The following ST18 variants were observed in gnomAD, a reference collection of about 807,000 sequenced individuals.
ST18 encodes the protein suppression of tumorigenicity 18 protein.
In ST18, 50 loss-of-function variants were observed where a neutral mutation model predicts 110.0. The observed-to-expected ratio is 0.45, with a 90% CI of 0.36 to 0.58. ST18 has a LOEUF of 0.58. Ranked by LOEUF, ST18 falls within the 20% of genes least tolerant of loss-of-function variation. The probability of loss-of-function intolerance (pLI) is 0.00; values close to 1 mark genes in which losing one functional copy is unlikely to be tolerated. For synonymous variants in ST18, 461 were observed against 452.4 expected (o/e 1.02, Z -0.24); for missense variants, 1,306 against 1,280.1 (o/e 1.02, Z -0.31).
At chr8:52,291,668 C>T (rs1419176939) in intron 2 of ST18, among the ~76,000 whole-genome samples, 1 of 152,056 alleles carries the variant, frequency 6.6e-6, no homozygotes, top group Admixed American at 6.6e-5. Context: ...CCTTCAAATT[C>T]TCACTTTTCA....
intron 8 of ST18, among the ~76,000 whole-genome samples, chr8:52,183,094 C>A (rs895063469): frequency 1.3e-5 from 2 of 152,124 alleles, no homozygotes; most frequent in Admixed American, 1.3e-4. Flanking sequence ...AAGCTCACGT[C>A]CTCTCCTCCA....
At chr8:52,123,419 G>A (rs966391774) in intron 23 of ST18, among the ~76,000 whole-genome samples, 3 of 152,112 alleles carry the variant, frequency 2.0e-5, no homozygotes, top group Admixed American at 2.0e-4. Context: ...AATTATTGTG[G>A]CCACACTTTA....
intron 2 of ST18, among the ~76,000 whole-genome samples, chr8:52,280,130 T>C (rs191466765): frequency 2.0e-5 from 3 of 152,106 alleles, no homozygotes; most frequent in Admixed American, 1.3e-4. Flanking sequence ...GTAAAACATA[T>C]ATGTGAAAAT....
rs1238537351 is a variant in ST18, at chr8:52,173,900, A to G, written c.278-1317T>C. 2.6e-5 allele frequency among the ~76,000 whole-genome samples: 4 copies of G among 152,316 alleles called. No homozygotes were observed. In the South Asian group the frequency reaches 8.3e-4, roughly 32 times the overall value. Reference sequence around the variant, plus strand: ...GAAGACAATGTGTCTTTTTGGTCTCATTTAATTTTTTATAAACATTGTCTC... The same window carrying G: ...GAAGACAATGTGTCTTTTTGGTCTCGTTTAATTTTTTATAAACATTGTCTC... On this transcript the variant is annotated intron_variant, in intron 9 of 25. Coordinates refer to ENST00000689386, the MANE Select transcript of ST18 (RefSeq NM_001352837.2).
At chr8:52,225,485 T>C (rs1376957725) in intron 3 of ST18, among the ~76,000 whole-genome samples, 1 of 152,234 alleles carries the variant, frequency 6.6e-6, no homozygotes, top group Non-Finnish European at 1.5e-5. Context: ...CAGTTTCTTC[T>C]CCTTATTTAT....
intron 2 of ST18, among the ~76,000 whole-genome samples, chr8:52,241,445 T>C (rs1414084273): frequency 6.6e-6 from 1 of 152,232 alleles, no homozygotes; most frequent in Non-Finnish European, 1.5e-5. Context: ...GGCTGAGTAG[T>C]ATAGTGAAAC....
At chr8:52,282,966 C>T (rs181386112) in intron 2 of ST18, among the ~76,000 whole-genome samples, 1 of 152,192 alleles carries the variant, frequency 6.6e-6, no homozygotes, top group East Asian at 1.9e-4. Context: ...GCTACTGTGC[C>T]ACGAAGGGTA....
chr8:52,149,719 A>AT lies in ST18; in HGVS notation c.2052+12dup, dbSNP rs2058298680. 6.2e-7 allele frequency: 1 copy of AT among 1,611,046 alleles called. No homozygotes were observed. On this transcript the variant is annotated intron_variant, in intron 16 of 25. Coordinates refer to ENST00000689386, the MANE Select transcript of ST18 (RefSeq NM_001352837.2). ...CTGTCTTCAACTTATTGATTGACAT[A>AT]TGGAAACAATACCTCTTTCTCCTCC...
intron 8 of ST18, among the ~76,000 whole-genome samples, chr8:52,189,370 A>T (rs1374135069): frequency 6.6e-6 from 1 of 152,216 alleles, no homozygotes; most frequent in South Asian, 2.1e-4. Flanking sequence ...GCCTAGAAAA[A>T]CAATGGCCCA....
At chr8:52,319,071 A>G (rs2096078335) in intron 2 of ST18, among the ~76,000 whole-genome samples, 1 of 152,172 alleles carries the variant, frequency 6.6e-6, no homozygotes, top group Non-Finnish European at 1.5e-5. Flanking sequence ...CTGTACATGT[A>G]CCCCTGAACT....
intron 10 of ST18, 85 bp downstream of exon 10, chr8:52,171,707 A>C: frequency 7.0e-7 from 1 of 1,434,998 alleles, no homozygotes; most frequent in Non-Finnish European, 9.7e-7. Flanking sequence ...TTAAAAAGCT[A>C]CCTGAAAAAA....
intron 2 of ST18, among the ~76,000 whole-genome samples, chr8:52,282,305 C>G (rs967212780): frequency 3.3e-5 from 5 of 152,154 alleles, no homozygotes; most frequent in Non-Finnish European, 7.4e-5. Context: ...TTAAACCCAT[C>G]TAATAATGTA....
chr8:52,213,586 G>C (rs1299787866), intron 7 of ST18, among the ~76,000 whole-genome samples: 2 of 151,910 alleles, frequency 1.3e-5, no homozygotes, highest in Non-Finnish European at 2.9e-5. Flanking sequence ...TTCCTTAAGG[G>C]GTATTATTGC....
intron 2 of ST18, chr8:52,404,269 C>T (rs974127343): frequency 2.6e-5 from 4 of 152,116 alleles, no homozygotes; most frequent in African/African-American, 9.7e-5. Flanking sequence ...AGAGCATTGT[C>T]AATAAAGGGC....
intron 2 of ST18, among the ~76,000 whole-genome samples, chr8:52,373,145 A>G (rs11991947): frequency 0.17 from 25,750 of 151,976 alleles, 3,546 homozygotes; most frequent in African/African-American, 0.38. Flanking sequence ...GTGGAAATCC[A>G]TATGAGAGTT....
intron 2 of ST18, among the ~76,000 whole-genome samples, chr8:52,342,643 C>T (rs1815657174): frequency 6.6e-6 from 1 of 152,168 alleles, no homozygotes; most frequent in African/African-American, 2.4e-5. Flanking sequence ...GCAAGAAGCA[C>T]TCTGATGCAG....
intron 3 of ST18, among the ~76,000 whole-genome samples, chr8:52,228,196 AT>A (rs2090156619): frequency 6.6e-6 from 1 of 152,122 alleles, no homozygotes; most frequent in South Asian, 2.1e-4. Flanking sequence ...TTATGGTTAG[AT>A]TTTTTCAAAT....
At chr8:52,251,523 G>A (rs1028655861) in intron 2 of ST18, among the ~76,000 whole-genome samples, 3 of 151,942 alleles carry the variant, frequency 2.0e-5, no homozygotes, top group African/African-American at 7.2e-5. Flanking sequence ...TTAAATCATT[G>A]AAGTGATTGG....
At chr8:52,388,618 G>A (rs1267314717) in intron 2 of ST18, among the ~76,000 whole-genome samples, 2 of 152,016 alleles carry the variant, frequency 1.3e-5, no homozygotes, top group African/African-American at 4.8e-5. Flanking sequence ...GCGCACGATG[G>A]CGTAACGGTC....
Sources: gnomAD v4.1 joint callset for allele counts (sites outside exome capture counted in the v4.1 genomes callset) on GRCh38, gnomAD v4.1.1 for gene constraint, MANE v1.5 for transcripts, NCBI Gene and HGNC (gene_info 2026-07-23, HGNC 2026-07-21) for gene names.